Variants in PCM1 observed in about 807,000 individuals in gnomAD.
PCM1 encodes the protein pericentriolar material 1 protein.
PCM1 carries 157 observed loss-of-function variants against 241.9 expected under a neutral mutation model. That is an observed-to-expected ratio of 0.65 (90% confidence interval 0.57 to 0.74). The LOEUF is 0.74. Among genes scored for constraint, PCM1 ranks in the 30% least tolerant of loss-of-function variants. PCM1 has a pLI of 0.00. For missense variants in PCM1, 3,478 were observed against 2,360.1 expected (o/e 1.47, Z -9.81); for synonymous variants, 1,085 against 784.9 (o/e 1.38, Z -6.39).
At chr8:17,935,093 C>A (rs538061843) in intron 2 of PCM1, among the ~76,000 whole-genome samples, 3 of 152,320 alleles carry the variant, frequency 2.0e-5, no homozygotes, top group African/African-American at 7.2e-5. Context: ...TGCTATTGTA[C>A]CTTCCTGTTA....
At chr8:18,012,869 T>C (rs2092696922) in intron 34 of PCM1, among the ~76,000 whole-genome samples, 1 of 152,368 alleles carries the variant, frequency 6.6e-6, no homozygotes, top group East Asian at 1.9e-4. Context: ...TCAGCTGTCA[T>C]ATTTTTAACT....
chr8:17,984,528 A>G (rs186671775), intron 24 of PCM1, among the ~76,000 whole-genome samples: 4 of 152,010 alleles, frequency 2.6e-5, no homozygotes, highest in African/African-American at 2.4e-5. Context: ...TATATTAGTA[A>G]TGTTATTATT....
intron 5 of PCM1, among the ~76,000 whole-genome samples, chr8:17,939,255 T>C (rs1360551152): frequency 6.6e-6 from 1 of 152,200 alleles, no homozygotes; most frequent in African/African-American, 2.4e-5. Context: ...AATAGCATAT[T>C]GCCAGTTTTT....
Position 17,938,869 on chromosome 8 carries a change from A to T in PCM1, c.472A>T (p.Thr158Ser), listed in dbSNP as rs201372017. The change falls in exon 5 of 39, where the codon ACA becomes TCA. Residue 158 changes from threonine to serine, a missense_variant. Transcript: ENST00000325083. ...TACTAACAAGAGCAAAGATGCATCT[A>T]CAAACCCCCCAAACAGAGAAACGAT... ...INTNKSKDAS[T>S]NPPNRETIGS... 5 of 1,613,666 alleles carry T rather than the reference A, an allele frequency of 3.1e-6. No homozygotes were observed. Among genetic ancestry groups the T allele is most frequent in the African/African-American group, 1.3e-5 (1 of 74,926 alleles).
chr8:17,956,472 G>T lies in PCM1; in HGVS notation c.1473-132G>T, dbSNP rs190707548. ...TCATTATTTTACAGTCATACCCCCT[G>T]GAGAGTTCACTAGGTGGATATTCCA... On this transcript the variant is annotated intron_variant, in intron 10 of 38. Coordinates refer to ENST00000325083, the MANE Select transcript of PCM1 (RefSeq NM_006197.4). 14 of 622,076 alleles carry T rather than the reference G, an allele frequency of 2.3e-5. 1 individual carries two copies. The South Asian group carries it at 2.8e-4, about 12-fold the overall frequency. The allele number at this position is 622,076 out of a possible 1,614,324, so 38.5% of individuals were successfully genotyped here.
At chr8:17,926,961 A>T (rs955347780) in intron 2 of PCM1, 6 of 152,156 alleles carry the variant, frequency 3.9e-5, no homozygotes, top group African/African-American at 1.4e-4. Flanking sequence ...AAGTCATTGC[A>T]AGTGTTTAGT....
At chr8:17,981,366 G>A (rs780724095) in intron 24 of PCM1, among the ~76,000 whole-genome samples, 11 of 152,128 alleles carry the variant, frequency 7.2e-5, no homozygotes, top group African/African-American at 2.4e-4. Flanking sequence ...ATCCAAGCTA[G>A]GATAGTTTCC....
intron 2 of PCM1, among the ~76,000 whole-genome samples, chr8:17,929,209 A>G (rs1249735530): frequency 6.6e-6 from 1 of 152,124 alleles, no homozygotes; most frequent in African/African-American, 2.4e-5. Context: ...CTTATCTGGC[A>G]AGGTAACTGT....
chr8:17,939,586 C>A, intron 5 of PCM1, 105 bp from the exon 6 acceptor site: 1 of 547,662 alleles, frequency 1.8e-6, no homozygotes, highest in Non-Finnish European at 3.0e-6. Context: ...CTTTGGTTAT[C>A]TTCGAAATAA....
chr8:17,934,180 T>G (rs1161783061), intron 2 of PCM1, among the ~76,000 whole-genome samples: 1 of 152,158 alleles, frequency 6.6e-6, no homozygotes, highest in East Asian at 1.9e-4. Context: ...CTTTTGATAT[T>G]TTTTCTCTAG....
At chr8:18,010,188 G>A (rs1052891713) in intron 31 of PCM1, among the ~76,000 whole-genome samples, 3 of 152,146 alleles carry the variant, frequency 2.0e-5, no homozygotes, top group Non-Finnish European at 4.4e-5. Context: ...AGTTTGTTCT[G>A]CCTTGTCAAA....
At chr8:17,996,519 AT>A (rs2086812237) in intron 29 of PCM1, among the ~76,000 whole-genome samples, 2 of 152,034 alleles carry the variant, frequency 1.3e-5, no homozygotes, top group Admixed American at 6.6e-5. Context: ...TGGTTTGCCA[AT>A]TTTATGTATC....
intron 2 of PCM1, among the ~76,000 whole-genome samples, chr8:17,928,964 G>A (rs2058088140): frequency 6.6e-6 from 1 of 152,152 alleles, no homozygotes; most frequent in Non-Finnish European, 1.5e-5. Context: ...AATTGTAAAC[G>A]TACTCAAGAT....
In PCM1 at chr8:17,972,677, T is replaced by C. The variant is rs1253745619; in HGVS notation, c.3933T>C (p.Val1311=). 1 of 1,533,408 alleles carries C rather than the reference T, an allele frequency of 6.5e-7. No individual in the cohort carries two copies. Among genetic ancestry groups the C allele is most frequent in the Non-Finnish European group, 8.8e-7 (1 of 1,141,158 alleles). The allele number at this position is 1,533,408 out of a possible 1,614,324, so 95.0% of individuals were successfully genotyped here. ...KRNSTQLKSR[V]KNIRYESASM... ...ATTCTACTCAGCTGAAAAGCAGAGT[T>C]AAAAACATCAGTAAGTGTTGAAATT... The change falls in exon 23 of 39, where the codon GTT becomes GTC. Residue 1311 remains valine (V), a synonymous_variant. Transcript: ENST00000325083.
At chr8:17,954,326 C>G (rs11992712) in intron 9 of PCM1, among the ~76,000 whole-genome samples, 1,998 of 151,406 alleles carry the variant, frequency 0.013, 54 homozygotes, top group African/African-American at 0.046. Flanking sequence ...ACTCCGGAGG[C>G]TGAGGTAGGA....
intron 2 of PCM1, chr8:17,927,281 C>G (rs1036689588): frequency 3.9e-5 from 6 of 151,924 alleles, no homozygotes; most frequent in Non-Finnish European, 8.8e-5. Flanking sequence ...CAGGAACGCC[C>G]CACCACACGT....
At position 17,989,934 on chromosome 8, in the gene PCM1, C is replaced by G. The variant is rs2083935531; in HGVS notation, c.4486C>G (p.Leu1496Val). The G allele has an allele frequency of 2.6e-6, 4 of 1,540,988 alleles. No individual in the cohort carries two copies. Among genetic ancestry groups the G allele is most frequent in the African/African-American group, 1.4e-5 (1 of 72,832 alleles). ...AAATGATGCTGATAATGCTAGTGTC[C>G]TGTCTGTATCATCAAATTTTGAGCC... ...EQNDADNASVLSVSSNFEPFA... is the reference protein window; with the variant it reads ...EQNDADNASVVSVSSNFEPFA... Residue 1496 changes from leucine (L) to valine (V), a missense_variant, in exon 27 of 39, where the codon CTG (leucine) becomes GTG (valine). Leu to Val is a conservative substitution (Grantham distance 32). Coordinates refer to ENST00000325083, the MANE Select transcript of PCM1 (RefSeq NM_006197.4).
At chr8:17,923,744 C>A (rs1212071941) in intron 1 of PCM1, among the ~76,000 whole-genome samples, 9 of 151,976 alleles carry the variant, frequency 5.9e-5, no homozygotes, top group Non-Finnish European at 1.3e-4. Flanking sequence ...GCTGTGGGAG[C>A]CGATGGGCCG....
At chr8:17,958,007 C>G (rs1563920319) in intron 13 of PCM1, among the ~76,000 whole-genome samples, 1 of 152,096 alleles carries the variant, frequency 6.6e-6, no homozygotes, top group Non-Finnish European at 1.5e-5. Flanking sequence ...GTATCTGTCA[C>G]AATTTCACAA....
Sources: allele counts gnomAD v4.1 joint callset (sites outside exome capture counted in the v4.1 genomes callset), GRCh38; gene constraint gnomAD v4.1.1; transcripts MANE v1.5; gene names NCBI Gene and HGNC (gene_info 2026-07-23, HGNC 2026-07-21).